RBM17: variants seen among roughly 807,000 people sequenced by gnomAD.
The protein encoded by RBM17 is RNA binding motif protein 17.
RBM17 carries 7 observed loss-of-function variants against 53.2 expected under a neutral mutation model. The observed-to-expected ratio is 0.13, with a 90% confidence interval of 0.07 to 0.25. The LOEUF is 0.25. Ranked by LOEUF, RBM17 falls within the 10% of genes least tolerant of loss-of-function variation. RBM17 has a pLI of 1.00. For missense variants in RBM17, 257 were observed against 496.7 expected (o/e 0.52, Z 4.59); for synonymous variants, 167 against 178.1 (o/e 0.94, Z 0.50).
At chr10:6,109,958 G>T (rs752152811) in intron 6 of RBM17, 28 bp from the exon 7 acceptor site, 7 of 1,575,408 alleles carry the variant, frequency 4.4e-6, no homozygotes, top group Non-Finnish European at 5.2e-6. Context: ...TAGTATTTTG[G>T]TGAGCCTACT....
At chr10:6,091,617 G>A (rs950414482) in intron 1 of RBM17, among the ~76,000 whole-genome samples, 2 of 152,122 alleles carry the variant, frequency 1.3e-5, no homozygotes, top group Non-Finnish European at 2.9e-5. Context: ...ATAATAATGT[G>A]ATTTAAATAG....
chr10:6,099,239 A>G (rs1211667229), intron 2 of RBM17, among the ~76,000 whole-genome samples: 1 of 151,894 alleles, frequency 6.6e-6, no homozygotes, highest in African/African-American at 2.4e-5. Flanking sequence ...TACTAACTTT[A>G]TAAAACTTTT....
chr10:6,097,700 C>T (rs543458211), intron 2 of RBM17, among the ~76,000 whole-genome samples: 1 of 152,012 alleles, frequency 6.6e-6, no homozygotes. Context: ...AACAAAAAAA[C>T]AGTACTCTGA....
Position 6,089,723 on chromosome 10 carries a change from C to T in RBM17, c.-19+530C>T, listed in dbSNP as rs942413207. The T allele has an allele frequency of 1.4e-4, 21 of 152,396 alleles. No individual in the cohort carries two copies. Among genetic ancestry groups the T allele is most frequent in the African/African-American group, 5.1e-4 (21 of 41,456 alleles). 9.4% of individuals were successfully genotyped at this position (152,396 alleles called of 1,614,324 possible). A position where few individuals can be genotyped will look rare whatever the true frequency, so the allele number is the denominator to read the frequency against. On this transcript the variant is annotated intron_variant, in intron 1 of 11. Coordinates refer to ENST00000379888, the MANE Select transcript of RBM17 (RefSeq NM_032905.5). The surrounding 1 kb of genome is among the most constrained non-coding windows in gnomAD (Gnocchi z 5.6). ...CCCTAACCCCGGCGTCGCCTCGGCT[C>T]GTGCAGTTTGAGCGGTGTTTCAGCG... is the stretch of plus-strand genomic sequence containing the variant.
rs773107599 is a variant in RBM17, at chr10:6,112,465, C to T, written c.856+104C>T. The T allele has an allele frequency of 2.8e-5, 39 of 1,391,596 alleles. No individual in the cohort carries two copies. Among genetic ancestry groups the T allele is most frequent in the Middle Eastern group, 1.8e-4 (1 of 5,694 alleles). The allele number at this position is 1,391,596 out of a possible 1,614,324, so 86.2% of individuals were successfully genotyped here. ...ATGTGTCAGCAGGGGGACAATGAGG[C>T]GTGTGGCCAGAGGGAGAGGGCTGGC... On this transcript the variant is annotated intron_variant, in intron 8 of 11. Transcript: ENST00000379888. This position sits in a 1 kb window ranked among gnomAD's most constrained non-coding sequence, Gnocchi z 4.4.
At chr10:6,097,922 A>T (rs1054302450) in intron 2 of RBM17, among the ~76,000 whole-genome samples, 1 of 152,202 alleles carries the variant, frequency 6.6e-6, no homozygotes, top group Non-Finnish European at 1.5e-5. Flanking sequence ...AGCTCCACAG[A>T]ATACCTAAGC....
chr10:6,093,602 C>T (rs1210132843), intron 1 of RBM17, among the ~76,000 whole-genome samples: 1 of 152,162 alleles, frequency 6.6e-6, no homozygotes, highest in Non-Finnish European at 1.5e-5. Context: ...GTGAATCTTT[C>T]CCCTCGAAGT....
intron 8 of RBM17, chr10:6,113,128 G>A (rs569817289): frequency 3.7e-5 from 7 of 187,366 alleles, no homozygotes; most frequent in African/African-American, 1.4e-4. Flanking sequence ...TAAGGCAGCC[G>A]GTGGCTGGAT....
chr10:6,106,137 A>T lies in RBM17; in HGVS notation c.408-4A>T. On this transcript the variant is annotated splice_polypyrimidine_tract_variant and splice_region_variant and intron_variant, in intron 4 of 11. Coordinates refer to ENST00000379888, the MANE Select transcript of RBM17 (RefSeq NM_032905.5). ...ATGAACATTTATTTCCTTTGTTATC[A>T]CAGAAGGCGTAAAGACAGACATGAA... 1 of 1,608,616 alleles carries T rather than the reference A, an allele frequency of 6.2e-7. No homozygotes were observed. Among genetic ancestry groups the T allele is most frequent in the Non-Finnish European group, 8.5e-7 (1 of 1,175,120 alleles).
intron 2 of RBM17, among the ~76,000 whole-genome samples, chr10:6,100,286 A>G (rs1024495251): frequency 2.0e-5 from 3 of 152,222 alleles, no homozygotes; most frequent in African/African-American, 7.2e-5. Flanking sequence ...CAAAAGATCT[A>G]ATGGTTACCA....
At chr10:6,099,926 C>T (rs980196941) in intron 2 of RBM17, among the ~76,000 whole-genome samples, 2 of 151,912 alleles carry the variant, frequency 1.3e-5, no homozygotes, top group Non-Finnish European at 2.9e-5. Flanking sequence ...GGTGTGGTGG[C>T]GTGCATCTGT....
At chr10:6,111,126 A>C (rs967439139) in intron 7 of RBM17, among the ~76,000 whole-genome samples, 2 of 152,222 alleles carry the variant, frequency 1.3e-5, no homozygotes, top group African/African-American at 2.4e-5. Flanking sequence ...GAAAATGTTA[A>C]GGGAATTAAA....
chr10:6,109,642 A>T (rs1840807601), intron 6 of RBM17, among the ~76,000 whole-genome samples: 2 of 152,250 alleles, frequency 1.3e-5, no homozygotes, highest in African/African-American at 4.8e-5. Context: ...AGGAGTCAAA[A>T]GATGGCCAGA....
At chr10:6,096,930 C>T (rs886302515) in intron 1 of RBM17, 118 bp from the exon 2 acceptor site, 3 of 772,896 alleles carry the variant, frequency 3.9e-6, no homozygotes, top group African/African-American at 1.8e-5. Context: ...GGAGCCTGGG[C>T]CTCTGTTGCT....
At chr10:6,098,970 G>GT (rs2132942788) in intron 2 of RBM17, among the ~76,000 whole-genome samples, 1 of 151,902 alleles carries the variant, frequency 6.6e-6, no homozygotes, top group South Asian at 2.1e-4. Context: ...GTTTTTTTGT[G>GT]TTTTTAAAAT....
chr10:6,091,724 A>C (rs1840488628), intron 1 of RBM17, among the ~76,000 whole-genome samples: 1 of 152,212 alleles, frequency 6.6e-6, no homozygotes, highest in Non-Finnish European at 1.5e-5. Context: ...TAGAGATACA[A>C]AGCTGAACAT....
chr10:6,093,238 C>G (rs1332488788), intron 1 of RBM17, among the ~76,000 whole-genome samples: 1 of 152,034 alleles, frequency 6.6e-6, no homozygotes, highest in East Asian at 1.9e-4. Flanking sequence ...TTTTTTGAGA[C>G]AGTCTCGCTC....
At position 6,115,872 on chromosome 10, in the gene RBM17, TAAAA is replaced by T. The variant is rs71390125; in HGVS notation, c.*335_*338del. On this transcript the variant is annotated 3_prime_UTR_variant, in exon 12 of 12. Coordinates refer to ENST00000379888, the MANE Select transcript of RBM17 (RefSeq NM_032905.5). ...TTCAATGATGCAGCATTTCTTGCAC[TAAAA>T]AAAAAAAAAAAAAAAAAACTAGAAA... 0.59 allele frequency: 80,516 copies of T among 137,446 alleles called. 25,243 individuals carry two copies. The highest frequency in any genetic ancestry group is 0.72 in the Non-Finnish European group (46,805 of 65,074). The allele number at this position is 137,446 out of a possible 1,614,324, so 8.5% of individuals were successfully genotyped here.
Position 6,112,152 on chromosome 10 carries a change from A to G in RBM17, c.705-58A>G, listed in dbSNP as rs1335459180. ...GAGGTTGTTGTGATGGAAAAATGCA[A>G]CCTATCTCCAGTTGACGATGTCAAG... is the stretch of plus-strand genomic sequence containing the variant. On this transcript the variant is annotated intron_variant, in intron 7 of 11. Transcript: ENST00000379888. This position sits in a 1 kb window ranked among gnomAD's most constrained non-coding sequence, Gnocchi z 4.4. The G allele has an allele frequency of 5.1e-6, 8 of 1,574,006 alleles. No individual in the cohort carries two copies. The African/African-American group carries it at 6.7e-5, about 13-fold the overall frequency.
Sources: allele counts gnomAD v4.1 joint callset (sites outside exome capture counted in the v4.1 genomes callset), GRCh38; gene constraint gnomAD v4.1.1; non-coding constraint Gnocchi (gnomAD v3.1); transcripts MANE v1.5; gene names NCBI Gene and HGNC (gene_info 2026-07-23, HGNC 2026-07-21).